The following ARHGAP6 variants were observed in gnomAD, a reference collection of about 807,000 sequenced individuals.
The protein encoded by ARHGAP6 is rho GTPase-activating protein 6.
In ARHGAP6, 16 loss-of-function variants were observed where a neutral mutation model predicts 55.7. That is an observed-to-expected ratio of 0.29 (90% confidence interval 0.19 to 0.44). ARHGAP6 has a LOEUF of 0.44. ARHGAP6 is among the 20% of genes least tolerant of loss of function. The probability of loss-of-function intolerance (pLI) is 1.00; values close to 1 mark genes in which losing one functional copy is unlikely to be tolerated. For synonymous variants in ARHGAP6, 382 were observed against 360.9 expected (o/e 1.06, Z -0.66); for missense variants, 698 against 808.9 (o/e 0.86, Z 1.66).
intron 1 of ARHGAP6, among the ~76,000 whole-genome samples, chrX:11,581,851 A>G (rs1395271629): frequency 9.0e-6 from 1 of 110,734 alleles, no homozygotes; most frequent in East Asian, 2.8e-4. Context: ...GATTGTGGTG[A>G]TGGGTGCACA....
intron 1 of ARHGAP6, among the ~76,000 whole-genome samples, chrX:11,502,721 T>C (rs886517535): frequency 1.8e-5 from 2 of 111,191 alleles, no homozygotes; most frequent in Non-Finnish European, 3.8e-5. Flanking sequence ...ATTTTCTTAA[T>C]AGCATTTTCT....
intron 1 of ARHGAP6, among the ~76,000 whole-genome samples, chrX:11,440,629 A>T (rs890963926): frequency 2.7e-5 from 3 of 111,606 alleles, no homozygotes; most frequent in African/African-American, 9.8e-5. Context: ...TCCTGTTCGT[A>T]CCTCTGTTAG....
At chrX:11,176,907 C>T (rs1443308116) in intron 8 of ARHGAP6, among the ~76,000 whole-genome samples, 3 of 111,812 alleles carry the variant, frequency 2.7e-5, no homozygotes, top group Non-Finnish European at 5.6e-5. Context: ...TTCTCACACC[C>T]GTAAGGAGGA....
chrX:11,612,238 A>AGCAACT (rs1274597315), intron 1 of ARHGAP6, among the ~76,000 whole-genome samples: 2 of 111,900 alleles, frequency 1.8e-5, no homozygotes, highest in Admixed American at 1.9e-4. Flanking sequence ...TTAAGTGAGC[A>AGCAACT]GCAACTTCTC....
chrX:11,177,375 G>A (rs12007827), intron 8 of ARHGAP6, among the ~76,000 whole-genome samples: 5 of 101,581 alleles, frequency 4.9e-5, no homozygotes, highest in Admixed American at 1.1e-4. Flanking sequence ...GTGGGCGGGG[G>A]GGGGGCACAC....
At chrX:11,460,223 C>A (rs2050231225) in intron 1 of ARHGAP6, among the ~76,000 whole-genome samples, 1 of 111,662 alleles carries the variant, frequency 9.0e-6, no homozygotes, top group Non-Finnish European at 1.9e-5. Context: ...GTGAGAGGGC[C>A]TGTGAGATGG....
intron 1 of ARHGAP6, among the ~76,000 whole-genome samples, chrX:11,338,107 G>A (rs141892900): frequency 9.3e-4 from 103 of 111,098 alleles, no homozygotes; most frequent in Non-Finnish European, 1.5e-3. Flanking sequence ...ATCCATCCCT[G>A]TAACCCAGAC....
chrX:11,247,607 C>A (rs1463104953), intron 2 of ARHGAP6, among the ~76,000 whole-genome samples: 1 of 112,020 alleles, frequency 8.9e-6, no homozygotes, highest in African/African-American at 3.2e-5. Flanking sequence ...TTCAGTAAGA[C>A]TTTATTTACA....
intron 2 of ARHGAP6, among the ~76,000 whole-genome samples, chrX:11,224,773 G>T (rs1205472182): frequency 1.8e-5 from 2 of 110,703 alleles, no homozygotes; most frequent in African/African-American, 6.6e-5. Context: ...TGGGTGTTGG[G>T]TCCCTACAGA....
intron 1 of ARHGAP6, among the ~76,000 whole-genome samples, chrX:11,519,467 C>T (rs2050888511): frequency 9.5e-6 from 1 of 105,764 alleles, no homozygotes; most frequent in African/African-American, 3.7e-5. Context: ...CCTTCGCCCA[C>T]TTTTTGATGG....
intron 1 of ARHGAP6, among the ~76,000 whole-genome samples, chrX:11,498,907 CT>C (rs928049424): frequency 1.8e-5 from 2 of 111,589 alleles, no homozygotes; most frequent in African/African-American, 6.5e-5. Flanking sequence ...TTCATTTTTT[CT>C]TTTGCTTATT....
chrX:11,478,991 C>A (rs757949162), intron 1 of ARHGAP6, among the ~76,000 whole-genome samples: 1 of 112,081 alleles, frequency 8.9e-6, no homozygotes, highest in Non-Finnish European at 1.9e-5. Context: ...CAGAAATACT[C>A]ATGCATGCAA....
chrX:11,528,432 A>T (rs1047799122), intron 1 of ARHGAP6, among the ~76,000 whole-genome samples: 6 of 111,839 alleles, frequency 5.4e-5, no homozygotes, highest in African/African-American at 2.0e-4. Flanking sequence ...CATACTTCTG[A>T]TTTAGCCCAG....
Position 11,485,832 on chromosome X carries a change from C to G in ARHGAP6, c.588+178409G>C, listed in dbSNP as rs1428668113. Among the ~76,000 whole-genome samples, 12 of 111,439 alleles carry G rather than the reference C, an allele frequency of 1.1e-4. No individual in the cohort carries two copies. The Admixed American group carries it at 1.1e-3, about 11-fold the overall frequency. On this transcript the variant is annotated intron_variant, in intron 1 of 12. Transcript: ENST00000337414. ...CTAGCTGGTGAGAGAAGGAAAACAT[C>G]GAACATTGCTTCCTGACCCCTGGGG...
chrX:11,642,004 C>T (rs955132281), intron 1 of ARHGAP6, among the ~76,000 whole-genome samples: 2 of 111,578 alleles, frequency 1.8e-5, no homozygotes, highest in African/African-American at 6.5e-5. Context: ...CTTGACAGAC[C>T]GATTTTACCC....
At chrX:11,543,745 G>A (rs1399752009) in intron 1 of ARHGAP6, among the ~76,000 whole-genome samples, 1 of 112,020 alleles carries the variant, frequency 8.9e-6, no homozygotes, top group African/African-American at 3.2e-5. Flanking sequence ...TGACTCTAAA[G>A]CCTATACTCC....
chrX:11,596,038 G>T (rs2051898015), intron 1 of ARHGAP6, among the ~76,000 whole-genome samples: 1 of 111,974 alleles, frequency 8.9e-6, no homozygotes, highest in Non-Finnish European at 1.9e-5. Context: ...TCTAGAACTA[G>T]AAACACCATT....
At chrX:11,641,000 C>T (rs1476313271) in intron 1 of ARHGAP6, among the ~76,000 whole-genome samples, 1 of 111,154 alleles carries the variant, frequency 9.0e-6, no homozygotes, top group Non-Finnish European at 1.9e-5. Flanking sequence ...GTGTAAGTGA[C>T]AGGGGCATGG....
chrX:11,205,006 G>A (rs1212958266), intron 2 of ARHGAP6, among the ~76,000 whole-genome samples: 1 of 110,916 alleles, frequency 9.0e-6, no homozygotes, highest in Non-Finnish European at 1.9e-5. Flanking sequence ...AATATCATGG[G>A]GAGATTGGTA....
Sources: allele counts gnomAD v4.1 joint callset (sites outside exome capture counted in the v4.1 genomes callset), GRCh38; gene constraint gnomAD v4.1.1; transcripts MANE v1.5; gene names NCBI Gene and HGNC (gene_info 2026-07-23, HGNC 2026-07-21).